Variants in ERC1 observed in about 807,000 individuals in gnomAD.
ERC1 encodes the protein RAB6 interacting protein 2.
Under a neutral mutation model 132.0 loss-of-function variants are expected in ERC1, and 56 were observed. The observed-to-expected ratio is 0.42, with a 90% CI of 0.34 to 0.53. The LOEUF is 0.53. ERC1 is among the 20% of genes least tolerant of loss of function. ERC1 has a pLI of 0.03. For synonymous variants in ERC1, 478 were observed against 476.1 expected (o/e 1.00, Z -0.05); for missense variants, 1,202 against 1,349.9 (o/e 0.89, Z 1.72).
intron 18 of ERC1, among the ~76,000 whole-genome samples, chr12:1,459,493 C>G (rs2093604967): frequency 6.6e-6 from 1 of 151,752 alleles, no homozygotes; most frequent in Non-Finnish European, 1.5e-5. Context: ...AATGAATGAA[C>G]AAGTAAATGG....
At chr12:1,050,532 C>T (rs1173935775) in intron 2 of ERC1, among the ~76,000 whole-genome samples, 2 of 152,162 alleles carry the variant, frequency 1.3e-5, no homozygotes, top group East Asian at 3.9e-4. Flanking sequence ...GCTCAGGAAT[C>T]TGTATTTGTG....
chr12:1,125,795 A>G (rs1295039640), intron 7 of ERC1, among the ~76,000 whole-genome samples: 2 of 152,266 alleles, frequency 1.3e-5, no homozygotes, highest in Admixed American at 6.5e-5. Flanking sequence ...AGTCTGGGTG[A>G]CAAGAGCGAG....
At chr12:1,218,305 T>C (rs1958614234) in intron 12 of ERC1, among the ~76,000 whole-genome samples, 1 of 152,102 alleles carries the variant, frequency 6.6e-6, no homozygotes, top group African/African-American at 2.4e-5. Context: ...CTAAAGATGC[T>C]TCTCCCTCAT....
At chr12:1,295,309 A>G (rs1373830467) in intron 15 of ERC1, among the ~76,000 whole-genome samples, 1 of 152,168 alleles carries the variant, frequency 6.6e-6, no homozygotes, top group Non-Finnish European at 1.5e-5. Flanking sequence ...TGACCTCCTG[A>G]GGTCCCCTGA....
chr12:1,322,075 C>T (rs2082150481), intron 15 of ERC1, among the ~76,000 whole-genome samples: 1 of 151,812 alleles, frequency 6.6e-6, no homozygotes, highest in Admixed American at 6.6e-5. Context: ...AAGTAGTCAT[C>T]TGCTTTTAAG....
chr12:1,033,156 C>T (rs1777062292), intron 2 of ERC1, among the ~76,000 whole-genome samples: 1 of 151,986 alleles, frequency 6.6e-6, no homozygotes, highest in African/African-American at 2.4e-5. Context: ...CCTGCCTCAG[C>T]CTCCTGAGTA....
chr12:1,002,248 A>G (rs1400150868), intron 1 of ERC1, among the ~76,000 whole-genome samples: 5 of 128,982 alleles, frequency 3.9e-5, no homozygotes, highest in African/African-American at 1.5e-4. Flanking sequence ...ATCATGGCTC[A>G]CTGCAGCCTT....
chr12:1,235,442 C>T (rs1037978164), intron 12 of ERC1, among the ~76,000 whole-genome samples: 1 of 151,974 alleles, frequency 6.6e-6, no homozygotes, highest in Admixed American at 6.6e-5. Context: ...TAACATATAA[C>T]GGATAAAGTA....
chr12:1,241,416 T>G (rs897308278), intron 13 of ERC1, among the ~76,000 whole-genome samples: 1 of 152,204 alleles, frequency 6.6e-6, no homozygotes, highest in African/African-American at 2.4e-5. Context: ...TTGTTACATA[T>G]TTTTTCTTTT....
At chr12:1,158,939 C>T (rs1951647126) in intron 8 of ERC1, among the ~76,000 whole-genome samples, 1 of 150,882 alleles carries the variant, frequency 6.6e-6, no homozygotes, top group East Asian at 1.9e-4. Context: ...AGTATAATCA[C>T]TCAAGTTAAG....
chr12:1,406,144 A>G (rs534395436), intron 16 of ERC1, among the ~76,000 whole-genome samples: 1 of 152,264 alleles, frequency 6.6e-6, no homozygotes, highest in East Asian at 1.9e-4. Context: ...CAGCAGTCTT[A>G]TGTAGGAGAA....
intron 16 of ERC1, among the ~76,000 whole-genome samples, chr12:1,381,438 A>G (rs564306000): frequency 2.0e-5 from 3 of 152,288 alleles, no homozygotes; most frequent in South Asian, 4.1e-4. Context: ...GCCTCAAGCC[A>G]TCCTCCCACC....
chr12:1,399,081 G>T (rs2090797989), intron 16 of ERC1, among the ~76,000 whole-genome samples: 1 of 151,338 alleles, frequency 6.6e-6, no homozygotes, highest in Non-Finnish European at 1.5e-5. Context: ...AAGTACCTGG[G>T]ACTACACACA....
intron 1 of ERC1, among the ~76,000 whole-genome samples, chr12:1,002,026 GT>G (rs1044202815): frequency 6.6e-6 from 1 of 150,760 alleles, no homozygotes; most frequent in Non-Finnish European, 1.5e-5. Flanking sequence ...ACACCCAGCT[GT>G]TTTTTTGTAT....
At chr12:1,030,720 AAAAAC>A (rs1375331190) in intron 2 of ERC1, among the ~76,000 whole-genome samples, 2 of 152,192 alleles carry the variant, frequency 1.3e-5, no homozygotes, top group African/African-American at 4.8e-5. Flanking sequence ...CCCTGTCTCT[AAAAAC>A]AAAACAAAAA....
chr12:1,372,709 G>A (rs2154374845), intron 16 of ERC1, among the ~76,000 whole-genome samples: 1 of 152,364 alleles, frequency 6.6e-6, no homozygotes, highest in South Asian at 2.1e-4. Context: ...GCTGGGCGCA[G>A]CATCCGCGTC....
intron 1 of ERC1, among the ~76,000 whole-genome samples, chr12:1,006,545 G>T (rs1963645495): frequency 6.6e-6 from 1 of 152,106 alleles, no homozygotes. Flanking sequence ...ACCATGCCCA[G>T]CTCATTTTTG....
chr12:1,450,238 A>G (rs370452598), intron 18 of ERC1, among the ~76,000 whole-genome samples: 3 of 152,310 alleles, frequency 2.0e-5, no homozygotes, highest in South Asian at 4.1e-4. Context: ...TGTTATATTC[A>G]TAACGTAAAC....
intron 8 of ERC1, among the ~76,000 whole-genome samples, chr12:1,174,047 G>C (rs1269436064): frequency 1.3e-5 from 2 of 152,144 alleles, no homozygotes; most frequent in South Asian, 2.1e-4. Flanking sequence ...GCTGGATTCA[G>C]TGGGGGCTCA....
Sources: gnomAD v4.1 joint callset for allele counts (sites outside exome capture counted in the v4.1 genomes callset) on GRCh38, gnomAD v4.1.1 for gene constraint, MANE v1.5 for transcripts, NCBI Gene and HGNC (gene_info 2026-07-23, HGNC 2026-07-21) for gene names.